Variants in B4GALT5 observed in about 807,000 individuals in gnomAD.
The protein encoded by B4GALT5 is UDP-Gal:beta-GlcNAc beta-1,4-galactosyltransferase 5.
B4GALT5 carries 11 observed loss-of-function variants against 45.0 expected under a neutral mutation model. That is an observed-to-expected ratio of 0.24 (90% CI 0.15 to 0.40). The LOEUF is 0.40. Ranked by LOEUF, B4GALT5 falls within the 10% of genes least tolerant of loss-of-function variation. B4GALT5 has a pLI of 1.00. For synonymous variants in B4GALT5, 185 were observed against 182.9 expected, an observed-to-expected ratio of 1.01 and a Z score of -0.09; for missense variants, 337 against 500.2, an observed-to-expected ratio of 0.67 and a Z score of 3.11.
intron 1 of B4GALT5, among the ~76,000 whole-genome samples, chr20:49,685,954 T>C (rs573272230): frequency 2.6e-5 from 4 of 151,382 alleles, no homozygotes; most frequent in Non-Finnish European, 5.9e-5. Flanking sequence ...TATTTGAGCA[T>C]TGCAGAGGGA....
chr20:49,677,149 T>C (rs930133339), intron 1 of B4GALT5, among the ~76,000 whole-genome samples: 16 of 152,038 alleles, frequency 1.1e-4, no homozygotes, highest in African/African-American at 3.1e-4. Context: ...CTGGTGAGCA[T>C]GGGCTGGAAG....
Position 49,643,668 on chromosome 20 carries a change from A to G in B4GALT5, c.365-18T>C. 6.2e-7 allele frequency: 1 copy of G among 1,609,612 alleles called. No homozygotes were observed. Among genetic ancestry groups the G allele is most frequent in the Non-Finnish European group, 8.5e-7 (1 of 1,176,790 alleles). ...TGGGCCCTCTGAACAGAGACGGGGA[A>G]AAGGGATTAAGAGGTCAGAAAATGA... On this transcript the variant is annotated intron_variant, in intron 3 of 8. Transcript: ENST00000371711.
At position 49,635,148 on chromosome 20, in the gene B4GALT5, T is replaced by G. The variant is rs988109748; in HGVS notation, c.*1164A>C. On this transcript the variant is annotated 3_prime_UTR_variant, in exon 9 of 9. Transcript: ENST00000371711. ...AGGAATCACTGAAGCCAGCTGGTAA[T>G]GTAGGCACATTGTTCAGAAACTGTG... The G allele has an allele frequency of 6.6e-6, 1 of 152,180 alleles. No individual in the cohort carries two copies. The highest frequency in any genetic ancestry group is 2.4e-5 in the African/African-American group (1 of 41,400). The allele number at this position is 152,180 out of a possible 1,614,324, so 9.4% of individuals were successfully genotyped here.
intron 1 of B4GALT5, among the ~76,000 whole-genome samples, chr20:49,702,003 T>G (rs921798989): frequency 2.0e-5 from 3 of 152,194 alleles, no homozygotes; most frequent in Admixed American, 2.0e-4. Flanking sequence ...AGGCAGAGGT[T>G]GCAGTGAGTT....
intron 3 of B4GALT5, among the ~76,000 whole-genome samples, chr20:49,646,469 A>G (rs2085599669): frequency 6.6e-6 from 1 of 152,158 alleles, no homozygotes; most frequent in Non-Finnish European, 1.5e-5. Flanking sequence ...TAGATACACA[A>G]ATACTTACCA....
rs1393771799 is a variant in B4GALT5 at position 49,695,417 on chromosome 20, T to TA, written c.115+18158_115+18159insT. Reference sequence around the variant, plus strand: ...ATCATGACAGTCTGTTGTGGTTTATTTTTTTTTTTTTTTGAGGTGGAGTCT... The same window carrying TA: ...ATCATGACAGTCTGTTGTGGTTTATTATTTTTTTTTTTTTGAGGTGGAGTCT... On this transcript the variant is annotated intron_variant, in intron 1 of 8. Coordinates refer to ENST00000371711, the MANE Select transcript of B4GALT5 (RefSeq NM_004776.4). Among the ~76,000 whole-genome samples, 154 of 40,494 alleles carry TA rather than the reference T, an allele frequency of 3.8e-3. 1 individual carries two copies. The highest frequency in any genetic ancestry group is 8.7e-3 in the African/African-American group (146 of 16,688). 26.6% of individuals were successfully genotyped at this position (40,494 alleles called of 152,430 possible).
rs764499346 is a variant in B4GALT5 at position 49,706,754 on chromosome 20, G to C, written c.115+6822C>G. ...TGCTTACGATTATCTGTTTGTCTTA[G>C]CCAGTGGTAACCTCCCTTTTTCTCT... On this transcript the variant is annotated intron_variant, in intron 1 of 8. Coordinates refer to ENST00000371711, the MANE Select transcript of B4GALT5 (RefSeq NM_004776.4). 2.0e-5 allele frequency among the ~76,000 whole-genome samples: 3 copies of C among 152,106 alleles called. No individual in the cohort carries two copies. The South Asian group carries it at 6.2e-4, about 31-fold the overall frequency.
At chr20:49,647,665 G>C (rs1340386246) in intron 2 of B4GALT5, among the ~76,000 whole-genome samples, 2 of 152,208 alleles carry the variant, frequency 1.3e-5, no homozygotes, top group East Asian at 3.8e-4. Flanking sequence ...AATGTGGAAA[G>C]TTATGCATCT....
intron 2 of B4GALT5, among the ~76,000 whole-genome samples, chr20:49,648,314 T>C (rs1224837603): frequency 6.6e-6 from 1 of 152,190 alleles, no homozygotes; most frequent in Non-Finnish European, 1.5e-5. Context: ...AATACTGTGG[T>C]CATGCCAGGT....
intron 1 of B4GALT5, among the ~76,000 whole-genome samples, chr20:49,696,761 T>C (rs898737137): frequency 6.6e-6 from 1 of 152,232 alleles, no homozygotes; most frequent in African/African-American, 2.4e-5. Flanking sequence ...ATCAACCAAG[T>C]TGATTTAATG....
intron 1 of B4GALT5, among the ~76,000 whole-genome samples, chr20:49,675,354 A>G (rs1346082162): frequency 1.3e-5 from 2 of 152,204 alleles, no homozygotes; most frequent in African/African-American, 2.4e-5. Context: ...AATGCAACAA[A>G]TATTAAATTA....
intron 1 of B4GALT5, among the ~76,000 whole-genome samples, chr20:49,678,503 G>A (rs574918540): frequency 7.2e-5 from 11 of 152,306 alleles, no homozygotes; most frequent in Admixed American, 7.2e-4. Context: ...CTACGTGGTG[G>A]TGTGCATGCT....
chr20:49,707,940 T>C (rs2085891588), intron 1 of B4GALT5, among the ~76,000 whole-genome samples: 2 of 149,996 alleles, frequency 1.3e-5, no homozygotes, highest in Non-Finnish European at 1.5e-5. Flanking sequence ...GTCTAAAATC[T>C]TAGGAATGGC....
intron 1 of B4GALT5, among the ~76,000 whole-genome samples, chr20:49,691,904 T>C (rs1377195053): frequency 6.6e-6 from 1 of 152,204 alleles, no homozygotes; most frequent in Non-Finnish European, 1.5e-5. Context: ...GACTGACCTG[T>C]AATGATCACC....
chr20:49,679,688 AAAC>A (rs2085756533), intron 1 of B4GALT5, among the ~76,000 whole-genome samples: 1 of 152,040 alleles, frequency 6.6e-6, no homozygotes, highest in South Asian at 2.1e-4. Flanking sequence ...AAAAAAACAA[AAAC>A]AAAAAACAAA....
chr20:49,713,511 C>A (rs2085929428), intron 1 of B4GALT5, 65 bp downstream of exon 1: 1 of 1,493,052 alleles, frequency 6.7e-7, no homozygotes, highest in Middle Eastern at 1.8e-4. Flanking sequence ...TAGGGAGGGG[C>A]GGGGATTCCC....
intron 1 of B4GALT5, among the ~76,000 whole-genome samples, chr20:49,703,721 T>C (rs1322676176): frequency 5.2e-5 from 2 of 38,202 alleles, no homozygotes; most frequent in African/African-American, 2.2e-4. Flanking sequence ...AAGCCGCATT[T>C]CTACTAAAAA....
chr20:49,637,277 C>A, intron 8 of B4GALT5, 64 bp downstream of exon 8: 1 of 1,451,918 alleles, frequency 6.9e-7, no homozygotes, highest in South Asian at 1.1e-5. Context: ...GTAATATGCT[C>A]TAAGATATCC....
intron 1 of B4GALT5, among the ~76,000 whole-genome samples, chr20:49,690,506 A>G (rs939349274): frequency 6.7e-6 from 1 of 150,288 alleles, no homozygotes; most frequent in East Asian, 2.0e-4. Flanking sequence ...CCGAGATTGA[A>G]CCATTGCACT....
Sources: gnomAD v4.1 joint callset for allele counts (sites outside exome capture counted in the v4.1 genomes callset) on GRCh38, gnomAD v4.1.1 for gene constraint, MANE v1.5 for transcripts, NCBI Gene and HGNC (gene_info 2026-07-23, HGNC 2026-07-21) for gene names.